The following PDE1B variants were observed in gnomAD, a reference collection of about 807,000 sequenced individuals.
The protein encoded by PDE1B is dual specificity calcium/calmodulin-dependent 3',5'-cyclic nucleotide phosphodiesterase 1B.
A neutral mutation model predicts 66.7 loss-of-function variants in PDE1B; 13 were observed. The observed-to-expected ratio is 0.19, with a 90% CI of 0.13 to 0.31. The LOEUF (loss-of-function observed/expected upper bound fraction) is 0.31. Ranked by LOEUF, PDE1B falls within the 10% of genes least tolerant of loss-of-function variation. The pLI is 1.00. For missense variants in PDE1B, 485 were observed against 682.3 expected, an observed-to-expected ratio of 0.71 and a Z score of 3.22; for synonymous variants, 230 against 253.9, an observed-to-expected ratio of 0.91 and a Z score of 0.90.
intron 15 of PDE1B, 65 bp from the exon 16 acceptor site, chr12:54,577,795 A>G: frequency 5.0e-6 from 2 of 403,472 alleles, no homozygotes; most frequent in Non-Finnish European, 4.4e-6. Context: ...GGACTTGGAG[A>G]AGGAAGGTCA....
chr12:54,555,810 C>A (rs776089324), intron 2 of PDE1B, among the ~76,000 whole-genome samples: 1 of 152,170 alleles, frequency 6.6e-6, no homozygotes, highest in Non-Finnish European at 1.5e-5. Context: ...ATGAGGCTCC[C>A]TTTTGCTCTT....
chr12:54,550,338 A>G (rs1437613978), intron 2 of PDE1B: 2 of 780,912 alleles, frequency 2.6e-6, no homozygotes, highest in East Asian at 1.3e-4. Context: ...ATCCATGTGC[A>G]GAGTTGTGCA....
intron 2 of PDE1B, among the ~76,000 whole-genome samples, chr12:54,556,607 GT>G (rs1442768575): frequency 1.3e-5 from 2 of 152,156 alleles, no homozygotes; most frequent in Non-Finnish European, 2.9e-5. Flanking sequence ...ATGTGTTGGG[GT>G]TTTGGTAGAG....
chr12:54,576,019 C>G lies in PDE1B; in HGVS notation c.1295C>G (p.Thr432Arg). 6.2e-7 allele frequency: 1 copy of G among 1,613,668 alleles called. No individual in the cohort carries two copies. Among genetic ancestry groups the G allele is most frequent in the Non-Finnish European group, 8.5e-7 (1 of 1,179,506 alleles). Residue 432 changes from threonine to arginine, a missense_variant, in exon 13 of 16, where the codon ACA becomes AGA. Physicochemically the swap from Thr to Arg is moderately conservative, Grantham distance 71. This residue lies in a region of PDE1B where 126 missense variants were observed against 133.8 expected (regional missense o/e 0.94). Transcript: ENST00000243052. ...TTCATCGACTTCATTGTGGAGCCCA[C>G]ATTCTCTGTGCTGACTGACGTGGCA... ...IGFIDFIVEP[T>R]FSVLTDVAEK...
chr12:54,553,474 G>A (rs1957305004), intron 2 of PDE1B, among the ~76,000 whole-genome samples: 1 of 152,178 alleles, frequency 6.6e-6, no homozygotes, highest in Non-Finnish European at 1.5e-5. Context: ...CATTATAGAT[G>A]AGCTGGAGCA....
chr12:54,577,523 G>A (rs754306359), intron 15 of PDE1B, 178 bp downstream of exon 15: 5 of 1,571,180 alleles, frequency 3.2e-6, no homozygotes, highest in South Asian at 2.3e-5. Flanking sequence ...ATCCTCCCAC[G>A]CTCTTCTGTC....
intron 2 of PDE1B, among the ~76,000 whole-genome samples, chr12:54,559,293 TC>T (rs1322438761): frequency 1.5e-5 from 2 of 133,646 alleles, no homozygotes; most frequent in Non-Finnish European, 3.1e-5. Context: ...AGGCAGAGTC[TC>T]CCATCCTTTG....
chr12:54,552,471 C>G (rs928031749), intron 2 of PDE1B, among the ~76,000 whole-genome samples: 1 of 152,062 alleles, frequency 6.6e-6, no homozygotes, highest in African/African-American at 2.4e-5. Context: ...ACATCCTATT[C>G]CCCCCCTTCT....
chr12:54,567,242 C>T (rs1565698568), intron 3 of PDE1B, among the ~76,000 whole-genome samples, 155 bp downstream of exon 3: 1 of 152,006 alleles, frequency 6.6e-6, no homozygotes, highest in Non-Finnish European at 1.5e-5. Flanking sequence ...TAGTGGCTCA[C>T]ACCTGTAATC....
At chr12:54,556,729 G>C (rs1045451454) in intron 2 of PDE1B, among the ~76,000 whole-genome samples, 1 of 152,178 alleles carries the variant, frequency 6.6e-6, no homozygotes. Context: ...GTTGGAAAGA[G>C]CCAGACTTCC....
rs1957645056 is a variant in PDE1B, at chr12:54,573,033, G to C, written c.736-115G>C. On this transcript the variant is annotated intron_variant, in intron 7 of 15. Transcript: ENST00000243052. The surrounding 1 kb of genome is among the most constrained non-coding windows in gnomAD (Gnocchi z 5.2). ...AGAAACCTGGCTGCATTAACCAAGA[G>C]CTGGCCTGGAAGCATGGAAGGGATG... is the stretch of plus-strand genomic sequence containing the variant. The C allele has an allele frequency of 4.9e-6, 4 of 818,758 alleles. No homozygotes were observed. The South Asian group carries it at 6.3e-5, about 13-fold the overall frequency. The allele number at this position is 818,758 out of a possible 1,614,324, so 50.7% of individuals were successfully genotyped here.
At chr12:54,576,807 CCTT>C (rs1182174287) in intron 14 of PDE1B, 106 bp downstream of exon 14, 1 of 1,254,236 alleles carries the variant, frequency 8.0e-7, no homozygotes, top group African/African-American at 1.5e-5. Flanking sequence ...TTGCCGGACT[CCTT>C]GATTTGGGAG....
chr12:54,576,522 G>C (rs1194482185), intron 13 of PDE1B, 49 bp from the exon 14 acceptor site: 2 of 1,611,646 alleles, frequency 1.2e-6, no homozygotes, highest in Admixed American at 1.7e-5. Context: ...GGTGGTTCTG[G>C]AGTGGGCTGG....
At chr12:54,568,332 T>G (rs566080671) in intron 3 of PDE1B, among the ~76,000 whole-genome samples, 2 of 151,874 alleles carry the variant, frequency 1.3e-5, no homozygotes, top group Non-Finnish European at 2.9e-5. Flanking sequence ...CATGGTGATG[T>G]GCATCTGTAG....
In PDE1B at chr12:54,575,721, C is replaced by G. The variant is rs1216192123; in HGVS notation, c.1267+89C>G. On this transcript the variant is annotated intron_variant, in intron 12 of 15. Coordinates refer to ENST00000243052, the MANE Select transcript of PDE1B (RefSeq NM_000924.4). The surrounding 1 kb of genome is among the most constrained non-coding windows in gnomAD (Gnocchi z 4.0). ...GATTGCTCCAAGTCCTCAATCCCCCCAAACCATTCTTCCTGTAGAGGAAAG... is the reference window on the plus strand; with the variant it reads ...GATTGCTCCAAGTCCTCAATCCCCCGAAACCATTCTTCCTGTAGAGGAAAG... The G allele has an allele frequency of 1.0e-6, 1 of 975,858 alleles. No homozygotes were observed. The highest frequency in any genetic ancestry group is 1.6e-6 in the Non-Finnish European group (1 of 610,654). The allele number at this position is 975,858 out of a possible 1,614,324, so 60.4% of individuals were successfully genotyped here.
intron 2 of PDE1B, among the ~76,000 whole-genome samples, chr12:54,557,517 G>A (rs1200125457): frequency 6.6e-6 from 1 of 152,206 alleles, no homozygotes; most frequent in Non-Finnish European, 1.5e-5. Context: ...CCCAGTCCCT[G>A]AATCTGAGAA....
chr12:54,553,765 G>C (rs1384331329), intron 2 of PDE1B, among the ~76,000 whole-genome samples: 2 of 152,234 alleles, frequency 1.3e-5, no homozygotes, highest in Non-Finnish European at 2.9e-5. Flanking sequence ...ATGCTTAAAA[G>C]ATATGGGGTT....
chr12:54,573,216 G>T lies in PDE1B; in HGVS notation c.804G>T (p.Thr268=). 1 of 1,614,018 alleles carries T rather than the reference G, an allele frequency of 6.2e-7. No individual in the cohort carries two copies. The highest frequency in any genetic ancestry group is 2.2e-5 in the East Asian group (1 of 44,884). ...FAAAIHDYEH[T]GTTNSFHIQT... is the part of the protein sequence containing the mutation. ...CAGCTATCCATGATTATGAGCACAC[G>T]GGCACTACCAACAGCTTCCACATCC... Residue 268 remains threonine, a synonymous_variant, in exon 8 of 16, where the codon ACG becomes ACT. Coordinates refer to ENST00000243052, the MANE Select transcript of PDE1B (RefSeq NM_000924.4). The surrounding 1 kb of genome is among the most constrained non-coding windows in gnomAD (Gnocchi z 5.2).
intron 3 of PDE1B, among the ~76,000 whole-genome samples, chr12:54,567,856 A>AT (rs1416135358): frequency 2.1e-4 from 30 of 142,050 alleles, no homozygotes; most frequent in South Asian, 1.6e-3. Context: ...ATATATATAT[A>AT]TATATATTTT....
Sources: gnomAD v4.1 joint callset for allele counts (sites outside exome capture counted in the v4.1 genomes callset) on GRCh38, gnomAD v4.1.1 for gene constraint, gnomAD v4.1.1 regional missense constraint, Gnocchi (gnomAD v3.1) non-coding constraint, MANE v1.5 for transcripts, NCBI Gene and HGNC (gene_info 2026-07-23, HGNC 2026-07-21) for gene names.